The following TYW1 variants were observed in gnomAD, a reference collection of about 807,000 sequenced individuals.
TYW1 encodes S-adenosyl-L-methionine-dependent tRNA 4-demethylwyosine synthase TYW1.
In TYW1, 46 loss-of-function variants were observed where a neutral mutation model predicts 96.2. The observed-to-expected ratio is 0.48, with a 90% CI of 0.38 to 0.61. TYW1 has a LOEUF of 0.61. Ranked by LOEUF, TYW1 falls within the 20% of genes least tolerant of loss-of-function variation. The pLI is 0.00. For missense variants in TYW1, 684 were observed against 909.6 expected (o/e 0.75, Z 3.19); for synonymous variants, 274 against 323.0 (o/e 0.85, Z 1.63).
At chr7:67,158,679 C>T (rs1799062939) in intron 13 of TYW1, among the ~76,000 whole-genome samples, 1 of 152,160 alleles carries the variant, frequency 6.6e-6, no homozygotes, top group Admixed American at 6.5e-5. Flanking sequence ...ATACCATTCT[C>T]CTGCCTCAGC....
In TYW1 at chr7:67,195,181, C is replaced by T. The variant is rs781271999; in HGVS notation, c.1821C>T (p.Tyr607=). The change falls in exon 15 of 16, where the codon TAC becomes TAT. Residue 607 remains tyrosine (Y), a synonymous_variant. Coordinates refer to ENST00000359626, the MANE Select transcript of TYW1 (RefSeq NM_018264.4). ...PDFIEVKGVT[Y]CGESSASSLT... is the part of the protein sequence containing the mutation. The stretch of plus-strand genomic sequence containing the variant: ...TACTGTTTCCACAGGGCGTTACCTA[C>T]TGCGGAGAAAGTTCAGCAAGCAGTC... 8.7e-6 allele frequency: 14 copies of T among 1,613,854 alleles called. No homozygotes were observed. The highest frequency in any genetic ancestry group is 2.7e-5 in the African/African-American group (2 of 74,822).
rs1161462627 is a variant in TYW1, at chr7:67,045,074, A to G, written c.985-4875A>G. On this transcript the variant is annotated intron_variant, in intron 7 of 15. Coordinates refer to ENST00000359626, the MANE Select transcript of TYW1 (RefSeq NM_018264.4). ...AACTCATGTTTGTCAGTTTCCAACT[A>G]TATAGCATTTTACCTTAAAGTCTTC... 2.0e-5 allele frequency among the ~76,000 whole-genome samples: 3 copies of G among 152,330 alleles called. No homozygotes were observed. The East Asian group carries it at 5.8e-4, about 29-fold the overall frequency.
intron 13 of TYW1, among the ~76,000 whole-genome samples, chr7:67,134,637 A>G (rs1375600082): frequency 6.6e-6 from 1 of 151,898 alleles, no homozygotes; most frequent in African/African-American, 2.4e-5. Context: ...AAAAGCAGAA[A>G]AAGTTTCTGC....
intron 4 of TYW1, among the ~76,000 whole-genome samples, chr7:67,012,831 A>C (rs993983616): frequency 3.9e-5 from 6 of 152,048 alleles, no homozygotes; most frequent in Non-Finnish European, 8.8e-5. Context: ...ATATGAAACA[A>C]AGGAATTTTG....
At chr7:67,092,674 CTTTTTTTT>C (rs3980762) in intron 11 of TYW1, among the ~76,000 whole-genome samples, 5 of 92,454 alleles carry the variant, frequency 5.4e-5, no homozygotes, top group Non-Finnish European at 4.3e-5. Flanking sequence ...CTATCACCTT[CTTTTTTTT>C]TTTTTTTTTT....
intron 9 of TYW1, among the ~76,000 whole-genome samples, chr7:67,063,649 G>A (rs3962047): frequency 6.6e-6 from 1 of 152,002 alleles, no homozygotes; most frequent in Middle Eastern, 3.4e-3. Context: ...TGTCACCCAG[G>A]CTGGAGTGTA....
intron 13 of TYW1, among the ~76,000 whole-genome samples, chr7:67,136,689 A>ACG (rs1798270842): frequency 6.7e-6 from 1 of 149,102 alleles, no homozygotes; most frequent in Admixed American, 6.7e-5. Flanking sequence ...GTGTGTGTAT[A>ACG]TATATATATG....
At chr7:67,047,364 CAG>C (rs1422871708) in intron 7 of TYW1, among the ~76,000 whole-genome samples, 3 of 152,280 alleles carry the variant, frequency 2.0e-5, no homozygotes, top group African/African-American at 7.2e-5. Flanking sequence ...GACTTCATCT[CAG>C]AAAACAAAAG....
intron 6 of TYW1, among the ~76,000 whole-genome samples, chr7:67,021,567 T>C (rs1160536536): frequency 2.0e-5 from 3 of 151,960 alleles, no homozygotes; most frequent in East Asian, 3.8e-4. Flanking sequence ...CCTTTTCGTA[T>C]TCCTAAACCC....
chr7:67,049,598 G>C (rs535224550), intron 7 of TYW1, among the ~76,000 whole-genome samples: 1 of 152,186 alleles, frequency 6.6e-6, no homozygotes, highest in East Asian at 1.9e-4. Context: ...CCAGGCTGGA[G>C]TACGGTGGTG....
Position 67,215,080 on chromosome 7 carries a change from T to C in TYW1, c.1977+19743T>C, listed in dbSNP as rs545622542. ...AAGGTACTGCAGAGAATGGATGTTA[T>C]TCCTTTCTTAAATGTTTGGTAGGAT... On this transcript the variant is annotated intron_variant, in intron 15 of 15. Coordinates refer to ENST00000359626, the MANE Select transcript of TYW1 (RefSeq NM_018264.4). 2.0e-5 allele frequency among the ~76,000 whole-genome samples: 3 copies of C among 150,502 alleles called. No individual in the cohort carries two copies. The East Asian group carries it at 5.8e-4, about 29-fold the overall frequency.
chr7:67,195,314 T>G lies in TYW1; in HGVS notation c.1954T>G (p.Cys652Gly), dbSNP rs150454012. Residue 652 changes from cysteine to glycine, a missense_variant, in exon 15 of 16, where the codon TGC (cysteine) becomes GGC (glycine). Coordinates refer to ENST00000359626, the MANE Select transcript of TYW1 (RefSeq NM_018264.4). ...TGCATGTGAACACGAACACTCTAAT[T>G]GCCTCCTGATAGCACACAGAAAGGT... Reference protein sequence around the residue: ...EIACEHEHSNCLLIAHRKFKI... With the variant: ...EIACEHEHSNGLLIAHRKFKI... 131 of 1,613,522 alleles carry G rather than the reference T, an allele frequency of 8.1e-5. No homozygotes were observed. The highest frequency in any genetic ancestry group is 5.0e-4 in the Middle Eastern group (3 of 6,058).
intron 15 of TYW1, among the ~76,000 whole-genome samples, chr7:67,227,215 T>C (rs977067706): frequency 4.6e-5 from 7 of 152,110 alleles, no homozygotes; most frequent in Non-Finnish European, 1.0e-4. Flanking sequence ...TAAGAGTACC[T>C]TTGTTTATTT....
chr7:67,148,930 C>T (rs1230072307), intron 13 of TYW1, among the ~76,000 whole-genome samples: 1 of 152,124 alleles, frequency 6.6e-6, no homozygotes, highest in Non-Finnish European at 1.5e-5. Flanking sequence ...TCATGTTTAT[C>T]AAAAGTGGCT....
intron 12 of TYW1, among the ~76,000 whole-genome samples, chr7:67,103,044 G>A (rs548983055): frequency 6.6e-6 from 1 of 152,254 alleles, no homozygotes; most frequent in Non-Finnish European, 1.5e-5. Context: ...ATTTTTTAGG[G>A]TATGTCCTTC....
intron 3 of TYW1, among the ~76,000 whole-genome samples, chr7:67,002,856 CTT>C (rs547425705): frequency 1.4e-4 from 15 of 110,820 alleles, no homozygotes; most frequent in Non-Finnish European, 1.9e-4. Flanking sequence ...TTTCTTTTTT[CTT>C]TTTTTTTTTT....
At position 66,998,029 on chromosome 7, in the gene TYW1, C is replaced by T. The variant is rs776959396; in HGVS notation, c.5-36C>T. The T allele has an allele frequency of 7.7e-6, 12 of 1,557,066 alleles. No individual in the cohort carries two copies. In the East Asian group the frequency reaches 9.2e-5, roughly 12 times the overall value. ...GGGATGGATATCTTTGTATATGTAG[C>T]TTTAAATGAAATTGTGTGTGTCATT... On this transcript the variant is annotated intron_variant, in intron 1 of 15. Coordinates refer to ENST00000359626, the MANE Select transcript of TYW1 (RefSeq NM_018264.4).
chr7:67,160,722 G>A (rs1361707714), intron 13 of TYW1, among the ~76,000 whole-genome samples: 2 of 150,654 alleles, frequency 1.3e-5, no homozygotes, highest in African/African-American at 2.5e-5. Context: ...CTCCTGTGTA[G>A]CTAGGATTAT....
chr7:67,039,733 G>A (rs577895111), intron 7 of TYW1, among the ~76,000 whole-genome samples: 11 of 150,510 alleles, frequency 7.3e-5, no homozygotes, highest in Non-Finnish European at 1.2e-4. Flanking sequence ...GCGCGATCTC[G>A]GCTCACTGCA....
Sources: gnomAD v4.1 joint callset for allele counts (sites outside exome capture counted in the v4.1 genomes callset) on GRCh38, gnomAD v4.1.1 for gene constraint, MANE v1.5 for transcripts, NCBI Gene and HGNC (gene_info 2026-07-23, HGNC 2026-07-21) for gene names.